Variants in POLR1A observed in about 807,000 individuals in gnomAD.
The protein encoded by POLR1A is RNA polymerase I subunit A.
Under a neutral mutation model 205.3 loss-of-function variants are expected in POLR1A, and 84 were observed. That is an observed-to-expected ratio of 0.41 (90% CI 0.34 to 0.49). The LOEUF (loss-of-function observed/expected upper bound fraction) is 0.49, where lower values mean the gene tolerates loss of function less well. POLR1A is among the 20% of genes least tolerant of loss of function. The pLI, the probability that POLR1A is intolerant of heterozygous loss-of-function variation, is 0.22. For synonymous variants in POLR1A, 799 were observed against 863.7 expected (o/e 0.93, Z 1.31); for missense variants, 1,645 against 2,204.5 (o/e 0.75, Z 5.08).
intron 3 of POLR1A, among the ~76,000 whole-genome samples, chr2:86,095,489 T>C (rs1460186528): frequency 1.3e-5 from 2 of 152,184 alleles, no homozygotes; most frequent in African/African-American, 4.8e-5. Flanking sequence ...TCAAAAATAA[T>C]CAATAACATT....
intron 18 of POLR1A, 134 bp from the exon 19 acceptor site, chr2:86,047,397 G>T (rs1387121892): frequency 7.9e-6 from 5 of 630,738 alleles, no homozygotes; most frequent in African/African-American, 1.8e-5. Flanking sequence ...TCCCACTCGA[G>T]GTAAGAGAAA....
chr2:86,100,819 G>T (rs1369836431), intron 1 of POLR1A, among the ~76,000 whole-genome samples: 1 of 152,164 alleles, frequency 6.6e-6, no homozygotes, highest in East Asian at 1.9e-4. Context: ...GGGATTACAG[G>T]AGTAAGCCAC....
At chr2:86,036,865 T>C (rs1672508971) in intron 27 of POLR1A, 1 of 152,254 alleles carries the variant, frequency 6.6e-6, no homozygotes, top group Non-Finnish European at 1.5e-5. Context: ...AAGCCAGGGC[T>C]GTCCCTCATC....
intron 24 of POLR1A, among the ~76,000 whole-genome samples, chr2:86,040,862 A>G (rs1015623063): frequency 1.3e-5 from 2 of 152,092 alleles, no homozygotes; most frequent in African/African-American, 4.8e-5. Context: ...CAAGCCCCCT[A>G]AGCAGGAGAA....
intron 12 of POLR1A, among the ~76,000 whole-genome samples, chr2:86,072,373 G>A (rs1222222570): frequency 6.6e-6 from 1 of 152,224 alleles, no homozygotes; most frequent in African/African-American, 2.4e-5. Flanking sequence ...GGGAGAAACT[G>A]CCTAGACCTG....
chr2:86,050,411 G>A (rs1026469602), intron 16 of POLR1A, among the ~76,000 whole-genome samples: 3 of 152,230 alleles, frequency 2.0e-5, no homozygotes, highest in Admixed American at 1.3e-4. Context: ...TCCTCTGTAA[G>A]CAGGCCACAC....
chr2:86,086,476 A>C (rs750129802), intron 6 of POLR1A, among the ~76,000 whole-genome samples: 1 of 152,190 alleles, frequency 6.6e-6, no homozygotes, highest in East Asian at 1.9e-4. Flanking sequence ...CCTGCTCCCC[A>C]GGGTTACTGA....
chr2:86,044,455 G>A (rs1213386654), intron 21 of POLR1A, 151 bp from the exon 22 acceptor site: 4 of 758,898 alleles, frequency 5.3e-6, no homozygotes, highest in South Asian at 3.6e-5. Context: ...CCAATGCCCC[G>A]GGGTCTGGGC....
At position 86,052,805 on chromosome 2, in the gene POLR1A, C is replaced by T. The variant is rs747955867; in HGVS notation, c.2392+12G>A. The T allele has an allele frequency of 6.0e-6, 9 of 1,502,778 alleles. No individual in the cohort carries two copies. In the South Asian group the frequency reaches 6.5e-5, roughly 11 times the overall value. The allele number at this position is 1,502,778 out of a possible 1,614,324, so 93.1% of individuals were successfully genotyped here. On this transcript the variant is annotated intron_variant, in intron 16 of 33. Transcript: ENST00000263857. ...CGGGTCACTGCCCCAGGGCAGCGAG[C>T]CCGGCACTTACCCAAGGTGAAGCCT...
At chr2:86,090,561 C>G (rs1051890736) in intron 3 of POLR1A, among the ~76,000 whole-genome samples, 7 of 152,064 alleles carry the variant, frequency 4.6e-5, no homozygotes, top group Non-Finnish European at 7.4e-5. Flanking sequence ...CCAGAGCAAA[C>G]TAAAGGGGAA....
chr2:86,047,333 T>C, intron 18 of POLR1A, 70 bp from the exon 19 acceptor site: 1 of 1,080,392 alleles, frequency 9.3e-7, no homozygotes. Flanking sequence ...AGGATGTAAA[T>C]CCAGGAAGCA....
chr2:86,054,489 T>C (rs1672860832), intron 14 of POLR1A, among the ~76,000 whole-genome samples, 200 bp from the exon 15 acceptor site: 1 of 152,206 alleles, frequency 6.6e-6, no homozygotes, highest in Non-Finnish European at 1.5e-5. Flanking sequence ...AGGTTTTATT[T>C]AAACCAATGA....
In POLR1A at chr2:86,074,732, C is replaced by T. The variant is rs568030992; in HGVS notation, c.1611+298G>A. Among the ~76,000 whole-genome samples the T allele has an allele frequency of 2.6e-5, 4 of 152,314 alleles. No homozygotes were observed. In the South Asian group the frequency reaches 8.3e-4, roughly 32 times the overall value. ...AAGCACGGTAAAGAAAGATTCTGAACTCTATTCTCAGAGATTCAAATTCAG... is the reference window on the plus strand; with the variant it reads ...AAGCACGGTAAAGAAAGATTCTGAATTCTATTCTCAGAGATTCAAATTCAG... On this transcript the variant is annotated intron_variant, in intron 12 of 33. Coordinates refer to ENST00000263857, the MANE Select transcript of POLR1A (RefSeq NM_015425.6).
intron 16 of POLR1A, among the ~76,000 whole-genome samples, chr2:86,049,451 A>G (rs1370959924): frequency 7.9e-5 from 12 of 152,140 alleles, no homozygotes; most frequent in Admixed American, 7.9e-4. Context: ...CCATTTTACA[A>G]ATGACAAAAC....
At position 86,027,300 on chromosome 2, in the gene POLR1A, C is replaced by T; in HGVS notation, c.*123G>A. ...TTTCAGGCCCAAGGTCGCTGCTGTG[C>T]TCTGTACTGTCACTTGGAACTGCCC... On this transcript the variant is annotated 3_prime_UTR_variant, in exon 34 of 34. Coordinates refer to ENST00000263857, the MANE Select transcript of POLR1A (RefSeq NM_015425.6). 1 of 806,346 alleles carries T rather than the reference C, an allele frequency of 1.2e-6. No homozygotes were observed. The highest frequency in any genetic ancestry group is 2.2e-6 in the Non-Finnish European group (1 of 460,508). 49.9% of individuals were successfully genotyped at this position (806,346 alleles called of 1,614,324 possible). A position where few individuals can be genotyped will look rare whatever the true frequency, so the allele number is the denominator to read the frequency against.
chr2:86,030,062 T>C (rs879286126), intron 31 of POLR1A, 134 bp downstream of exon 31: 2 of 709,600 alleles, frequency 2.8e-6, no homozygotes, highest in Non-Finnish European at 4.9e-6. Flanking sequence ...TTGGGGAATG[T>C]GGCCTGGAAG....
At chr2:86,084,797 T>C (rs1673473261) in intron 6 of POLR1A, among the ~76,000 whole-genome samples, 1 of 151,304 alleles carries the variant, frequency 6.6e-6, no homozygotes, top group African/African-American at 2.4e-5. Context: ...CTCCTCCATT[T>C]TTAAAAACTA....
intron 27 of POLR1A, among the ~76,000 whole-genome samples, chr2:86,034,882 CA>C (rs796374863): frequency 5.3e-5 from 8 of 152,058 alleles, no homozygotes; most frequent in East Asian, 3.9e-4. Flanking sequence ...TAGTTCCCCC[CA>C]CCGTCCCGAG....
intron 7 of POLR1A, among the ~76,000 whole-genome samples, chr2:86,082,176 A>G (rs4832241): frequency 0.73 from 110,779 of 151,832 alleles, 42,594 homozygotes; most frequent in Non-Finnish European, 0.85. Flanking sequence ...CCCTGTGTAC[A>G]TGACAGTTTG....
Sources: allele counts gnomAD v4.1 joint callset (sites outside exome capture counted in the v4.1 genomes callset), GRCh38; gene constraint gnomAD v4.1.1; transcripts MANE v1.5; gene names NCBI Gene and HGNC (gene_info 2026-07-23, HGNC 2026-07-21).